HERC1: variants seen among roughly 807,000 people sequenced by gnomAD.
HERC1 encodes probable E3 ubiquitin-protein ligase HERC1.
In HERC1, 160 loss-of-function variants were observed where a neutral mutation model predicts 554.3. The ratio of observed to expected loss-of-function variants is 0.29; its 90% confidence interval spans 0.25 to 0.33. The LOEUF (loss-of-function observed/expected upper bound fraction) is 0.33. HERC1 is among the 10% of genes least tolerant of loss of function. The pLI is 1.00. For missense variants in HERC1, 4,919 were observed against 5,918.5 expected (o/e 0.83, Z 5.54); for synonymous variants, 2,175 against 2,131.7 (o/e 1.02, Z -0.56).
intron 1 of HERC1, among the ~76,000 whole-genome samples, chr15:63,788,364 A>T (rs1245389093): frequency 6.6e-6 from 1 of 152,244 alleles, no homozygotes. Flanking sequence ...TACCGAAATA[A>T]ATCAGTAATG....
In HERC1 at chr15:63,608,990, C is replaced by T; in HGVS notation, c.*91G>A. On this transcript the variant is annotated 3_prime_UTR_variant, in exon 78 of 78. Transcript: ENST00000443617. ...ATAATGTTGGTTTATGTTCTTATAA[C>T]ATCTATGTAGTTACCATAAAAGTAT... 2 of 1,133,808 alleles carry T rather than the reference C, an allele frequency of 1.8e-6. No individual in the cohort carries two copies. The highest frequency in any genetic ancestry group is 2.5e-6 in the Non-Finnish European group (2 of 808,584). 70.2% of individuals were successfully genotyped at this position (1,133,808 alleles called of 1,614,324 possible).
At chr15:63,645,140 C>T in intron 56 of HERC1, 43 bp from the exon 57 acceptor site, 1 of 1,346,046 alleles carries the variant, frequency 7.4e-7, no homozygotes, top group Admixed American at 1.7e-5. Flanking sequence ...TGTCAATATG[C>T]ATTAAGTAAA....
At chr15:63,678,738 T>C (rs2071327911) in intron 36 of HERC1, among the ~76,000 whole-genome samples, 1 of 152,190 alleles carries the variant, frequency 6.6e-6, no homozygotes, top group Non-Finnish European at 1.5e-5. Context: ...GTCCTGGACA[T>C]TTTACATTGT....
chr15:63,736,021 G>C (rs1289576190), intron 12 of HERC1, among the ~76,000 whole-genome samples: 1 of 152,118 alleles, frequency 6.6e-6, no homozygotes, highest in Non-Finnish European at 1.5e-5. Context: ...AAAACAATGG[G>C]CAGGGGTTGG....
At chr15:63,788,547 G>A (rs115521816) in intron 1 of HERC1, among the ~76,000 whole-genome samples, 4,699 of 152,116 alleles carry the variant, frequency 0.031, 235 homozygotes, top group African/African-American at 0.11. Context: ...AAAACTTAAT[G>A]AAGCACAAAA....
Position 63,758,065 on chromosome 15 carries a change from ACC to A in HERC1, c.1221+108_1221+109del. On this transcript the variant is annotated intron_variant, in intron 4 of 77. Transcript: ENST00000443617. The surrounding 1 kb of genome is among the most constrained non-coding windows in gnomAD (Gnocchi z 4.0). ...TAATGCAGTATATAGACCAGAAATA[ACC>A]ATCGATAATTTTCACTCATTTAAAA... 5 of 807,206 alleles carry A rather than the reference ACC, an allele frequency of 6.2e-6. 1 individual carries two copies. In the Admixed American group the frequency reaches 1.4e-4, roughly 22 times the overall value. 50.0% of individuals were successfully genotyped at this position (807,206 alleles called of 1,614,324 possible). A position where few individuals can be genotyped will look rare whatever the true frequency, so the allele number is the denominator to read the frequency against.
At position 63,790,596 on chromosome 15, in the gene HERC1, T is replaced by A. The variant is rs534542679; in HGVS notation, c.-26-14947A>T. 2.6e-3 allele frequency among the ~76,000 whole-genome samples: 367 copies of A among 138,948 alleles called. 1 individual carries two copies. The Middle Eastern group carries it at 0.032, about 12-fold the overall frequency. The allele number at this position is 138,948 out of a possible 152,430, so 91.2% of individuals were successfully genotyped here. ...CCGTCTCAAAAAAAAATTTTTTTTT[T>A]AAAAAGTACTTTTTAAATACTAGAA... On this transcript the variant is annotated intron_variant, in intron 1 of 77. Transcript: ENST00000443617.
chr15:63,804,063 G>A (rs2077066709), intron 1 of HERC1, among the ~76,000 whole-genome samples: 1 of 152,048 alleles, frequency 6.6e-6, no homozygotes, highest in Non-Finnish European at 1.5e-5. Flanking sequence ...AAAAGGTGCT[G>A]GACCAACTGA....
chr15:63,643,468 C>A lies in HERC1; in HGVS notation c.11267G>T (p.Ser3756Ile), dbSNP rs1448961194. The A allele has an allele frequency of 5.0e-6, 8 of 1,613,082 alleles. No homozygotes were observed. The highest frequency in any genetic ancestry group is 6.8e-6 in the Non-Finnish European group (8 of 1,179,522). ...AGACACCAGGGCCAACCCATCAGAACTAAAGGCAACAGTCCGAACAGGAGT... is the reference window on the plus strand; with the variant it reads ...AGACACCAGGGCCAACCCATCAGAAATAAAGGCAACAGTCCGAACAGGAGT... The part of the protein sequence containing the change: ...HITPVRTVAF[S>I]SDGLALVSGG... The change falls in exon 58 of 78, where the codon AGT becomes ATT. Residue 3756 changes from serine (S) to isoleucine (I), a missense_variant. Ser to Ile is a moderately radical substitution (Grantham distance 142). Coordinates refer to ENST00000443617, the MANE Select transcript of HERC1 (RefSeq NM_003922.4).
intron 37 of HERC1, among the ~76,000 whole-genome samples, chr15:63,675,578 T>C (rs915153292): frequency 2.0e-4 from 31 of 152,172 alleles, no homozygotes; most frequent in African/African-American, 7.0e-4. Flanking sequence ...TTCAGAAAAT[T>C]TGTATAATAA....
At chr15:63,625,743 T>C (rs1054794516) in intron 71 of HERC1, among the ~76,000 whole-genome samples, 1 of 150,566 alleles carries the variant, frequency 6.6e-6, no homozygotes, top group African/African-American at 2.4e-5. Flanking sequence ...TGCGTAGCCA[T>C]TCATACTTGA....
intron 12 of HERC1, among the ~76,000 whole-genome samples, chr15:63,740,059 C>A (rs991006065): frequency 1.3e-5 from 2 of 152,036 alleles, no homozygotes; most frequent in African/African-American, 4.8e-5. Context: ...TACAGGCATG[C>A]GCCACCAGAC....
chr15:63,681,059 T>C (rs887729663), intron 34 of HERC1, among the ~76,000 whole-genome samples: 3 of 152,196 alleles, frequency 2.0e-5, no homozygotes, highest in Non-Finnish European at 2.9e-5. Flanking sequence ...TGAGGAAGTA[T>C]GTTTAGTCCA....
chr15:63,617,722 T>C (rs1186068464), intron 74 of HERC1, among the ~76,000 whole-genome samples: 3 of 152,158 alleles, frequency 2.0e-5, no homozygotes, highest in African/African-American at 7.2e-5. Flanking sequence ...GAGATGGTAT[T>C]TCATTGTGGT....
intron 56 of HERC1, 82 bp from the exon 57 acceptor site, chr15:63,645,179 T>A: frequency 9.8e-7 from 1 of 1,022,242 alleles, no homozygotes; most frequent in East Asian, 2.4e-5. Context: ...TCAATTAAGA[T>A]CTGATAGAAC....
intron 48 of HERC1, among the ~76,000 whole-genome samples, chr15:63,656,642 A>T (rs2070055146): frequency 6.6e-6 from 1 of 152,168 alleles, no homozygotes; most frequent in Non-Finnish European, 1.5e-5. Flanking sequence ...AGCTGAACAA[A>T]CCCATGTCAC....
intron 3 of HERC1, among the ~76,000 whole-genome samples, chr15:63,760,097 A>G (rs1265971319): frequency 1.2e-5 from 1 of 84,876 alleles, no homozygotes; most frequent in African/African-American, 4.9e-5. Flanking sequence ...ACTGAGAAAA[A>G]CTACTGGGGG....
rs1275934459 is a variant in HERC1 at position 63,654,264 on chromosome 15, T to C, written c.10145A>G (p.Gln3382Arg). The C allele has an allele frequency of 2.0e-5, 33 of 1,613,892 alleles. No homozygotes were observed. Among genetic ancestry groups the C allele is most frequent in the Non-Finnish European group, 2.7e-5 (32 of 1,179,886 alleles). The change falls in exon 51 of 78, where the codon CAG (glutamine) becomes CGG (arginine). Residue 3382 changes from glutamine to arginine, a missense_variant. Transcript: ENST00000443617. ...ACCLSSRLSS[Q>R]HRQWAAQQLV... Reference sequence around the variant, plus strand: ...TTGCTGAGCTGCCCATTGCCGATGCTGTGAGGACAGCCTGGAGGAGAGGCA... The same window carrying C: ...TTGCTGAGCTGCCCATTGCCGATGCCGTGAGGACAGCCTGGAGGAGAGGCA...
At position 63,633,890 on chromosome 15, in the gene HERC1, T is replaced by C; in HGVS notation, c.12651A>G (p.Gly4217=). 1 of 1,613,660 alleles carries C rather than the reference T, an allele frequency of 6.2e-7. No homozygotes were observed. Among genetic ancestry groups the C allele is most frequent in the Non-Finnish European group, 8.5e-7 (1 of 1,179,754 alleles). ...CAGTGGAATTTCCTAAGCCTAGTTT[T>C]CCATAGTCTCCATCTCCAAAAGCCC... ...MVWAFGDGDY[G]KLGLGNSTAK... The change falls in exon 67 of 78, where the codon GGA becomes GGG. Residue 4217 remains glycine (G), a synonymous_variant. Transcript: ENST00000443617.
Sources: allele counts gnomAD v4.1 joint callset (sites outside exome capture counted in the v4.1 genomes callset), GRCh38; gene constraint gnomAD v4.1.1; non-coding constraint Gnocchi (gnomAD v3.1); transcripts MANE v1.5; gene names NCBI Gene and HGNC (gene_info 2026-07-23, HGNC 2026-07-21).